The following NPSR1 variants were observed in gnomAD, a reference collection of about 807,000 sequenced individuals.
NPSR1 encodes the protein neuropeptide S receptor 1.
A neutral mutation model predicts 46.9 loss-of-function variants in NPSR1; 48 were observed. The observed-to-expected ratio is 1.02, with a 90% CI of 0.81 to 1.30. The LOEUF (loss-of-function observed/expected upper bound fraction) is 1.30. Ranked by LOEUF, NPSR1 falls within the 50% of genes most tolerant of loss-of-function variation. The probability of loss-of-function intolerance (pLI) is 0.00; values close to 1 mark genes in which losing one functional copy is unlikely to be tolerated. For synonymous variants in NPSR1, 176 were observed against 168.1 expected, an observed-to-expected ratio of 1.05 and a Z score of -0.36; for missense variants, 450 against 449.5, an observed-to-expected ratio of 1.00 and a Z score of -0.01.
intron 2 of NPSR1, among the ~76,000 whole-genome samples, chr7:34,740,906 T>C (rs1784908010): frequency 6.6e-6 from 1 of 152,218 alleles, no homozygotes; most frequent in South Asian, 2.1e-4. Flanking sequence ...ACAGCTGCAA[T>C]CTAGTCCTGC....
intron 2 of NPSR1, among the ~76,000 whole-genome samples, chr7:34,700,717 T>C (rs1393150212): frequency 6.6e-6 from 1 of 152,264 alleles, no homozygotes; most frequent in East Asian, 1.9e-4. Context: ...TGAGTTTGAA[T>C]CTCAGCATTT....
intron 2 of NPSR1, among the ~76,000 whole-genome samples, chr7:34,727,377 A>C (rs1784209682): frequency 6.6e-6 from 1 of 152,158 alleles, no homozygotes; most frequent in South Asian, 2.1e-4. Context: ...AATAAATTCA[A>C]AGGAAATTGC....
chr7:34,745,872 C>T (rs1216685598), intron 2 of NPSR1, among the ~76,000 whole-genome samples: 1 of 152,192 alleles, frequency 6.6e-6, no homozygotes, highest in Non-Finnish European at 1.5e-5. Context: ...GCAATCTTTG[C>T]ACATCTGATT....
chr7:34,703,371 AAAATAAATAAATAAATAAAT>A (rs35157717), intron 2 of NPSR1, among the ~76,000 whole-genome samples: 3 of 148,546 alleles, frequency 2.0e-5, no homozygotes, highest in Admixed American at 1.3e-4. Context: ...ACTCCGTCTC[AAAATAAATAAATAAATAAAT>A]AAATAAATAA....
chr7:34,738,271 A>G lies in NPSR1; in HGVS notation c.281-40191A>G, dbSNP rs1784776658. On this transcript the variant is annotated intron_variant, in intron 2 of 8. Transcript: ENST00000360581. ...AGATTTTGTAAAAGACCAAAATGAG[A>G]TGTTTCTTGAATGCCTGGTGGAATT... 2.0e-5 allele frequency among the ~76,000 whole-genome samples: 3 copies of G among 152,316 alleles called. No homozygotes were observed. The South Asian group carries it at 6.2e-4, about 32-fold the overall frequency.
chr7:34,772,027 C>A (rs1224582362), intron 2 of NPSR1, among the ~76,000 whole-genome samples: 1 of 152,150 alleles, frequency 6.6e-6, no homozygotes, highest in African/African-American at 2.4e-5. Context: ...GCACATGAAA[C>A]CTTTCTGTAC....
intron 2 of NPSR1, among the ~76,000 whole-genome samples, chr7:34,741,207 A>C (rs1784924730): frequency 6.6e-6 from 1 of 152,090 alleles, no homozygotes; most frequent in African/African-American, 2.4e-5. Context: ...GGCTTTTTGC[A>C]TGTGTAGATT....
intron 2 of NPSR1, chr7:34,751,971 G>T: frequency 2.0e-6 from 2 of 992,778 alleles, no homozygotes; most frequent in Non-Finnish European, 3.2e-6. Context: ...GCCCAGAGAA[G>T]TCTTTCTACT....
At chr7:34,841,269 C>G (rs1040225371) in intron 6 of NPSR1, among the ~76,000 whole-genome samples, 1 of 152,138 alleles carries the variant, frequency 6.6e-6, no homozygotes, top group East Asian at 1.9e-4. Flanking sequence ...CCCAAGGTAC[C>G]AATTGCTCCC....
chr7:34,877,557 G>A (rs1186722405), intron 8 of NPSR1, among the ~76,000 whole-genome samples: 1 of 152,216 alleles, frequency 6.6e-6, no homozygotes, highest in Admixed American at 6.5e-5. Flanking sequence ...CCAGGTAGCA[G>A]ACTACACACA....
intron 2 of NPSR1, chr7:34,751,299 G>A (rs1785510232): frequency 5.2e-6 from 5 of 962,772 alleles, no homozygotes; most frequent in Non-Finnish European, 8.5e-6. Context: ...GAGGCTGGGA[G>A]TTGCAGAAAG....
intron 2 of NPSR1, among the ~76,000 whole-genome samples, chr7:34,738,707 C>T (rs1410882038): frequency 6.6e-6 from 1 of 151,830 alleles, no homozygotes; most frequent in African/African-American, 2.4e-5. Flanking sequence ...ATTTATATAC[C>T]ATTATTCTTT....
chr7:34,826,887 C>CA (rs58951477), intron 4 of NPSR1, among the ~76,000 whole-genome samples: 25,772 of 140,690 alleles, frequency 0.18, 3,142 homozygotes, highest in African/African-American at 0.36. Flanking sequence ...ATGTTCCTAC[C>CA]AAAAAAAAAA....
chr7:34,785,238 G>A (rs1377348113), intron 3 of NPSR1, among the ~76,000 whole-genome samples: 3 of 151,692 alleles, frequency 2.0e-5, no homozygotes, highest in African/African-American at 4.8e-5. Flanking sequence ...GTAGGGACAC[G>A]GATGAAATTG....
At chr7:34,751,481 C>T (rs1785523249) in intron 2 of NPSR1, 2 of 1,247,844 alleles carry the variant, frequency 1.6e-6, no homozygotes, top group Non-Finnish European at 2.4e-6. Context: ...ATTAGTTCTG[C>T]CTCCGTGTCA....
chr7:34,793,330 T>C (rs1788027375), intron 3 of NPSR1, among the ~76,000 whole-genome samples: 2 of 152,000 alleles, frequency 1.3e-5, no homozygotes, highest in Admixed American at 1.3e-4. Flanking sequence ...ATCCAGAATA[T>C]ATGAGAAACT....
intron 7 of NPSR1, among the ~76,000 whole-genome samples, chr7:34,846,605 G>A (rs891751507): frequency 5.9e-5 from 9 of 151,996 alleles, no homozygotes; most frequent in African/African-American, 1.7e-4. Context: ...CACCTACACC[G>A]TGACATAATA....
rs576720451 is a variant in NPSR1, at chr7:34,771,233, A to C, written c.281-7229A>C. On this transcript the variant is annotated intron_variant, in intron 2 of 8. Transcript: ENST00000360581. ...GTGGATCACTTGAGCCCGGGAGTTC[A>C]AGACCAGCCTGGGCAACATAGTGAG... Among the ~76,000 whole-genome samples, 252 of 152,260 alleles carry C rather than the reference A, an allele frequency of 1.7e-3. 1 individual carries two copies. The highest frequency in any genetic ancestry group is 5.7e-3 in the African/African-American group (235 of 41,562).
Position 34,662,427 on chromosome 7 carries a change from A to G in NPSR1, c.147+3868A>G, listed in dbSNP as rs76333239. Among the ~76,000 whole-genome samples, 823 of 151,158 alleles carry G rather than the reference A, an allele frequency of 5.4e-3. 9 individuals carry two copies. The highest frequency in any genetic ancestry group is 8.6e-3 in the Non-Finnish European group (581 of 67,888). On this transcript the variant is annotated intron_variant, in intron 1 of 8. Coordinates refer to ENST00000360581, the MANE Select transcript of NPSR1 (RefSeq NM_207172.2). ...ACGCATGTCCCAATTATCTCACGCT[A>G]TGCTTTTGCAAGGGAGCTCCTTCCT...
Sources: gnomAD v4.1 joint callset for allele counts (sites outside exome capture counted in the v4.1 genomes callset) on GRCh38, gnomAD v4.1.1 for gene constraint, MANE v1.5 for transcripts, NCBI Gene and HGNC (gene_info 2026-07-23, HGNC 2026-07-21) for gene names.